Variants in NTRK3 observed in about 807,000 individuals in gnomAD.
NTRK3 encodes NT-3 growth factor receptor.
A neutral mutation model predicts 91.7 loss-of-function variants in NTRK3; 24 were observed. That is an observed-to-expected ratio of 0.26 (90% CI 0.19 to 0.37). The LOEUF (loss-of-function observed/expected upper bound fraction) is 0.37. Ranked by LOEUF, NTRK3 falls within the 10% of genes least tolerant of loss-of-function variation. The pLI is 1.00. For synonymous variants in NTRK3, 483 were observed against 404.0 expected (o/e 1.20, Z -2.34); for missense variants, 880 against 1,068.9 (o/e 0.82, Z 2.46).
At chr15:87,924,601 G>T (rs1351728625) in intron 17 of NTRK3, among the ~76,000 whole-genome samples, 1 of 152,136 alleles carries the variant, frequency 6.6e-6, no homozygotes, top group African/African-American at 2.4e-5. Flanking sequence ...ATTCTCCCAG[G>T]ATAATGCACT....
intron 13 of NTRK3, among the ~76,000 whole-genome samples, chr15:88,068,999 G>C (rs541502344): frequency 6.6e-6 from 1 of 152,188 alleles, no homozygotes; most frequent in Non-Finnish European, 1.5e-5. Context: ...AAGCCACAAA[G>C]CAAGCCAAGA....
exon 19 of NTRK3, chr15:87,862,135 T>C (rs1310668129): frequency 9.1e-6 from 2 of 218,648 alleles, no homozygotes; most frequent in Admixed American, 5.8e-5. Context: ...CCAGTCTTCA[T>C]ACAAATAATC....
At chr15:87,896,515 C>T (rs28700891) in intron 17 of NTRK3, among the ~76,000 whole-genome samples, 13,411 of 150,532 alleles carry the variant, frequency 0.089, 1,775 homozygotes, top group African/African-American at 0.29. Context: ...AAAATATATA[C>T]ATGTATATAT....
chr15:88,052,183 G>A (rs1282952160), intron 13 of NTRK3, among the ~76,000 whole-genome samples: 1 of 152,180 alleles, frequency 6.6e-6, no homozygotes, highest in Non-Finnish European at 1.5e-5. Flanking sequence ...ATATTTCCAG[G>A]TGTACATCTA....
At chr15:88,189,977 G>T (rs1051648112) in intron 3 of NTRK3, among the ~76,000 whole-genome samples, 1 of 152,020 alleles carries the variant, frequency 6.6e-6, no homozygotes, top group South Asian at 2.1e-4. Flanking sequence ...ACACAAAGAC[G>T]CCCACCACCA....
At chr15:87,883,851 T>A (rs1419998504) in intron 17 of NTRK3, among the ~76,000 whole-genome samples, 2 of 151,302 alleles carry the variant, frequency 1.3e-5, no homozygotes, top group South Asian at 2.1e-4. Flanking sequence ...AAGTATTTAT[T>A]GTAACAATAA....
chr15:88,044,935 G>T (rs945046427), intron 13 of NTRK3, among the ~76,000 whole-genome samples: 4 of 152,200 alleles, frequency 2.6e-5, no homozygotes, highest in African/African-American at 9.6e-5. Flanking sequence ...GGCTGTGCAT[G>T]CCCTGCGGGA....
At chr15:87,974,045 G>A (rs1011016991) in intron 14 of NTRK3, among the ~76,000 whole-genome samples, 1 of 152,212 alleles carries the variant, frequency 6.6e-6, no homozygotes, top group Non-Finnish European at 1.5e-5. Flanking sequence ...GAGCTTTCCC[G>A]CGGCATCCAA....
Position 88,211,919 on chromosome 15 carries a change from A to G in NTRK3, c.249-27620T>C, listed in dbSNP as rs917007674. Reference sequence around the variant, plus strand: ...TGTTTTTTCTTTTCTAATCAACTCTATATGGCTCATGAACACATTTAAACT... The same window carrying G: ...TGTTTTTTCTTTTCTAATCAACTCTGTATGGCTCATGAACACATTTAAACT... On this transcript the variant is annotated intron_variant, in intron 3 of 18. Transcript: ENST00000394480. Among the ~76,000 whole-genome samples, 12 of 152,384 alleles carry G rather than the reference A, an allele frequency of 7.9e-5. No individual in the cohort carries two copies. In the South Asian group the frequency reaches 2.5e-3, roughly 32 times the overall value.
chr15:88,004,302 C>G lies in NTRK3; in HGVS notation c.1585+28555G>C, dbSNP rs568100179. Among the ~76,000 whole-genome samples, 190 of 152,142 alleles carry G rather than the reference C, an allele frequency of 1.2e-3. 1 individual carries two copies. The highest frequency in any genetic ancestry group is 4.0e-3 in the African/African-American group (166 of 41,528). On this transcript the variant is annotated intron_variant, in intron 14 of 18. Transcript: ENST00000394480. The stretch of plus-strand genomic sequence containing the variant: ...TATTCCAGGTAATATAAAACTAAAA[C>G]AAAAGTTATAAACTATAGGAAGAGC...
intron 14 of NTRK3, among the ~76,000 whole-genome samples, chr15:87,973,857 C>A (rs2073471557): frequency 6.6e-6 from 1 of 152,146 alleles, no homozygotes; most frequent in Admixed American, 6.5e-5. Context: ...TCCCTGCCAC[C>A]TTCATTTTGC....
exon 19 of NTRK3, chr15:87,868,247 A>G (rs564075391): frequency 7.8e-5 from 18 of 229,534 alleles, no homozygotes; most frequent in Admixed American, 2.8e-4. Flanking sequence ...CACTATGAGC[A>G]CGAGCACCTA....
chr15:87,998,001 T>A (rs2075827668), intron 14 of NTRK3, among the ~76,000 whole-genome samples: 1 of 152,168 alleles, frequency 6.6e-6, no homozygotes, highest in Non-Finnish European at 1.5e-5. Flanking sequence ...CTAAAGAAGG[T>A]AATGTAGGAA....
chr15:88,095,482 C>A (rs1020492473), intron 13 of NTRK3, among the ~76,000 whole-genome samples: 13 of 152,256 alleles, frequency 8.5e-5, no homozygotes, highest in Admixed American at 3.9e-4. Flanking sequence ...TTTTGGGAAA[C>A]CTGCTTGGAG....
chr15:87,979,544 G>T (rs2074019344), intron 14 of NTRK3: 2 of 921,200 alleles, frequency 2.2e-6, no homozygotes, highest in Non-Finnish European at 3.4e-6. Flanking sequence ...ATCAAAACTA[G>T]GAGGGGAAAT....
chr15:88,114,427 A>AAC (rs1481322747), intron 13 of NTRK3, among the ~76,000 whole-genome samples: 4 of 149,454 alleles, frequency 2.7e-5, no homozygotes, highest in African/African-American at 1.0e-4. Context: ...TTACAACAAC[A>AAC]AAAAAAAATG....
chr15:88,195,884 G>T (rs1288919113), intron 3 of NTRK3, among the ~76,000 whole-genome samples: 1 of 152,160 alleles, frequency 6.6e-6, no homozygotes, highest in Non-Finnish European at 1.5e-5. Context: ...TGGCCCCAGG[G>T]GTTCTGAGAA....
intron 13 of NTRK3, among the ~76,000 whole-genome samples, chr15:88,035,870 T>C (rs949551592): frequency 1.3e-5 from 2 of 152,122 alleles, no homozygotes; most frequent in East Asian, 3.9e-4. Context: ...TCAAGGGTAG[T>C]GAAGAGTCCT....
chr15:88,052,448 A>C (rs1203773006), intron 13 of NTRK3, among the ~76,000 whole-genome samples: 1 of 152,264 alleles, frequency 6.6e-6, no homozygotes, highest in Non-Finnish European at 1.5e-5. Context: ...TCTAGTTTGG[A>C]GTAAGCACGC....
Sources: gnomAD v4.1 joint callset for allele counts (sites outside exome capture counted in the v4.1 genomes callset) on GRCh38, gnomAD v4.1.1 for gene constraint, MANE v1.5 for transcripts, NCBI Gene and HGNC (gene_info 2026-07-23, HGNC 2026-07-21) for gene names.